RAPGEF6: variants seen among roughly 807,000 people sequenced by gnomAD.
RAPGEF6 encodes PDZ domain containing guanine nucleotide exchange factor (GEF) 2.
RAPGEF6 carries 56 observed loss-of-function variants against 171.4 expected under a neutral mutation model. That is an observed-to-expected ratio of 0.33 (90% confidence interval 0.26 to 0.41). RAPGEF6 has a LOEUF of 0.41. Among genes scored for constraint, RAPGEF6 ranks in the 10% least tolerant of loss-of-function variants. The probability of loss-of-function intolerance (pLI) is 1.00; values close to 1 mark genes in which losing one functional copy is unlikely to be tolerated. For missense variants in RAPGEF6, 1,674 were observed against 1,921.4 expected (o/e 0.87, Z 2.41); for synonymous variants, 692 against 650.1 (o/e 1.06, Z -0.98).
At chr5:131,581,199 A>G (rs543980166) in intron 4 of RAPGEF6, among the ~76,000 whole-genome samples, 3 of 152,324 alleles carry the variant, frequency 2.0e-5, no homozygotes, top group African/African-American at 7.2e-5. Context: ...CTGAAAAAGG[A>G]GGACTCTGTA....
intron 27 of RAPGEF6, among the ~76,000 whole-genome samples, chr5:131,428,559 C>G (rs1751507562): frequency 6.6e-6 from 1 of 151,852 alleles, no homozygotes; most frequent in South Asian, 2.1e-4. Context: ...CTCCCAGGTT[C>G]AAGCAATTCT....
intron 19 of RAPGEF6, among the ~76,000 whole-genome samples, chr5:131,460,440 A>G (rs766666165): frequency 3.9e-4 from 60 of 152,170 alleles, no homozygotes; most frequent in Middle Eastern, 3.4e-3. Flanking sequence ...CTCAGTGTCA[A>G]TCAATTTTCT....
At chr5:131,441,495 T>A (rs189575171) in intron 23 of RAPGEF6, among the ~76,000 whole-genome samples, 2 of 152,344 alleles carry the variant, frequency 1.3e-5, no homozygotes, top group Admixed American at 6.5e-5. Context: ...ACCAATCTTT[T>A]AGGCTGCTTA....
At chr5:131,472,900 G>A (rs1476940136) in intron 16 of RAPGEF6, 156 bp from the exon 17 acceptor site, 1 of 616,244 alleles carries the variant, frequency 1.6e-6, no homozygotes, top group Non-Finnish European at 2.7e-6. Context: ...CAATTGTAAT[G>A]ATGAAAATGG....
intron 6 of RAPGEF6, chr5:131,533,176 A>G (rs1759517790): frequency 8.0e-6 from 1 of 124,312 alleles, no homozygotes; most frequent in Non-Finnish European, 1.9e-5. Flanking sequence ...ACATACACAC[A>G]CACACACACA....
intron 2 of RAPGEF6, among the ~76,000 whole-genome samples, 164 bp from the exon 3 acceptor site, chr5:131,603,491 T>G (rs1251574674): frequency 6.6e-6 from 1 of 152,090 alleles, no homozygotes; most frequent in Non-Finnish European, 1.5e-5. Context: ...TATGTGTATT[T>G]TATATATATA....
At chr5:131,432,415 G>A (rs1365247928) in intron 25 of RAPGEF6, among the ~76,000 whole-genome samples, 5 of 152,072 alleles carry the variant, frequency 3.3e-5, no homozygotes, top group Non-Finnish European at 5.9e-5. Flanking sequence ...TCAGGAGATC[G>A]AGACCATCCT....
chr5:131,609,238 C>T (rs1580670529), intron 1 of RAPGEF6, among the ~76,000 whole-genome samples: 1 of 152,132 alleles, frequency 6.6e-6, no homozygotes, highest in Non-Finnish European at 1.5e-5. Context: ...TATAAATGAC[C>T]CAGCCTCAAG....
Position 131,492,638 on chromosome 5 carries a change from C to G in RAPGEF6, c.1675G>C (p.Glu559Gln), listed in dbSNP as rs1403678709. ...GSEKGFGIFV[E>Q]GVEPGSKAAD... is the part of the protein sequence containing the mutation. ...GCTTTGCTACCAGGTTCTACTCCTT[C>G]AACAAAAATACCAAATCCCTTCTCA... The change falls in exon 14 of 28, where the codon GAA becomes CAA. Residue 559 changes from glutamate (E) to glutamine (Q), a missense_variant. Physicochemically the swap from Glu to Gln is conservative, Grantham distance 29. Around this residue, in one of 3 missense-constraint regions of RAPGEF6, gnomAD observed 1,116 missense variants for 1,321.5 expected, o/e 0.84. Coordinates refer to ENST00000509018, the MANE Select transcript of RAPGEF6 (RefSeq NM_016340.6). 6.2e-7 allele frequency: 1 copy of G among 1,614,044 alleles called. No individual in the cohort carries two copies. Among genetic ancestry groups the G allele is most frequent in the East Asian group, 2.2e-5 (1 of 44,892 alleles).
intron 1 of RAPGEF6, among the ~76,000 whole-genome samples, chr5:131,631,208 G>A (rs1766286284): frequency 6.6e-6 from 1 of 152,082 alleles, no homozygotes; most frequent in African/African-American, 2.4e-5. Flanking sequence ...CTCCAGCTCA[G>A]GCTTCTTAGT....
At chr5:131,575,283 A>G (rs1762539770) in intron 4 of RAPGEF6, among the ~76,000 whole-genome samples, 2 of 152,190 alleles carry the variant, frequency 1.3e-5, no homozygotes, top group Non-Finnish European at 2.9e-5. Context: ...CTCATGATCT[A>G]CTTTCTTTCC....
At position 131,492,577 on chromosome 5, in the gene RAPGEF6, C is replaced by G; in HGVS notation, c.1731+5G>C. 6.2e-7 allele frequency: 1 copy of G among 1,613,896 alleles called. No individual in the cohort carries two copies. The highest frequency in any genetic ancestry group is 8.5e-7 in the Non-Finnish European group (1 of 1,179,812). ...TTGAATATAAGTGGTTGGTTATTTCCTTACCTGATCACCACGTTTCAGTCC... is the reference window on the plus strand; with the variant it reads ...TTGAATATAAGTGGTTGGTTATTTCGTTACCTGATCACCACGTTTCAGTCC... On this transcript the variant is annotated splice_donor_5th_base_variant and intron_variant, in intron 14 of 27. Transcript: ENST00000509018.
At chr5:131,502,866 T>C (rs1215280239) in intron 11 of RAPGEF6, among the ~76,000 whole-genome samples, 1 of 151,972 alleles carries the variant, frequency 6.6e-6, no homozygotes, top group Non-Finnish European at 1.5e-5. Context: ...TGGTGTGATC[T>C]CGGCTCACTG....
intron 16 of RAPGEF6, among the ~76,000 whole-genome samples, chr5:131,477,024 T>A (rs1755148720): frequency 6.6e-6 from 1 of 152,148 alleles, no homozygotes. Context: ...ATCATCTGAG[T>A]CATGTTTTCT....
Position 131,548,566 on chromosome 5 carries a change from T to C in RAPGEF6, c.352-376A>G, listed in dbSNP as rs74650744. Among the ~76,000 whole-genome samples the C allele has an allele frequency of 6.4e-3, 981 of 152,360 alleles. 6 individuals are homozygous for C. Among genetic ancestry groups the C allele is most frequent in the African/African-American group, 0.022 (898 of 41,588 alleles). ...TTTACTTAGCAAACAATCCTGGTTA[T>C]GGTTTTAGTTAATTGTTAAAAAGTA... On this transcript the variant is annotated intron_variant, in intron 5 of 27. Transcript: ENST00000509018.
chr5:131,617,334 A>G (rs1580685514), intron 1 of RAPGEF6, among the ~76,000 whole-genome samples: 1 of 152,238 alleles, frequency 6.6e-6, no homozygotes, highest in East Asian at 1.9e-4. Flanking sequence ...TGGACTCTGG[A>G]GACAACCGTG....
intron 4 of RAPGEF6, among the ~76,000 whole-genome samples, chr5:131,584,068 G>A (rs1459429103): frequency 1.3e-5 from 2 of 152,176 alleles, no homozygotes; most frequent in Admixed American, 6.5e-5. Context: ...TTACAAAGTG[G>A]CATGAGGAAA....
At chr5:131,573,200 T>G (rs1165116998) in intron 4 of RAPGEF6, among the ~76,000 whole-genome samples, 1 of 152,010 alleles carries the variant, frequency 6.6e-6, no homozygotes, top group Non-Finnish European at 1.5e-5. Flanking sequence ...GCTCCCCCAC[T>G]CTATAACCCT....
At chr5:131,505,676 G>C (rs1406509342) in intron 9 of RAPGEF6, among the ~76,000 whole-genome samples, 154 bp from the exon 10 acceptor site, 1 of 152,156 alleles carries the variant, frequency 6.6e-6, no homozygotes, top group Non-Finnish European at 1.5e-5. Flanking sequence ...CCTATGCTTT[G>C]AGTCTATGCA....
Sources: gnomAD v4.1 joint callset for allele counts (sites outside exome capture counted in the v4.1 genomes callset) on GRCh38, gnomAD v4.1.1 for gene constraint, gnomAD v4.1.1 regional missense constraint, MANE v1.5 for transcripts, NCBI Gene and HGNC (gene_info 2026-07-23, HGNC 2026-07-21) for gene names.